The following SCHIP1 variants were observed in gnomAD, a reference collection of about 807,000 sequenced individuals.
SCHIP1 encodes the protein schwannomin interacting protein 1, also known as schwannomin-interacting protein 1.
Under a neutral mutation model 29.7 loss-of-function variants are expected in SCHIP1, and 8 were observed. The observed-to-expected ratio is 0.27, with a 90% CI of 0.16 to 0.49. SCHIP1 has a LOEUF of 0.49. SCHIP1 is among the 20% of genes least tolerant of loss of function. SCHIP1 has a pLI of 0.99. For missense variants in SCHIP1, 193 were observed against 294.6 expected (o/e 0.66, Z 2.52); for synonymous variants, 76 against 94.9 (o/e 0.80, Z 1.16).
the SCHIP1 span, among the ~76,000 whole-genome samples, chr3:159,469,029 G>A: frequency 6.6e-6 from 1 of 151,996 alleles, no homozygotes; most frequent in East Asian, 1.9e-4. Context: ...GCCTCCCAAA[G>A]TGCTGGGATT....
chr3:159,840,321 C>G lies in SCHIP1; in HGVS notation c.30+107C>G, dbSNP rs577377288. On this transcript the variant is annotated intron_variant, in intron 1 of 6. Coordinates refer to ENST00000445224, the Ensembl canonical transcript of SCHIP1. ...TCCGGATATTCAGGGATTTTGCCAT[C>G]TTCCGCGCCTGGCCTTCATCACGTG... is the stretch of plus-strand genomic sequence containing the variant. The G allele has an allele frequency of 1.7e-5, 16 of 958,506 alleles. No homozygotes were observed. The African/African-American group carries it at 1.8e-4, about 11-fold the overall frequency. The allele number at this position is 958,506 out of a possible 1,614,324, so 59.4% of individuals were successfully genotyped here.
At chr3:159,658,700 TC>T in the SCHIP1 span, among the ~76,000 whole-genome samples, 1 of 152,298 alleles carries the variant, frequency 6.6e-6, no homozygotes, top group African/African-American at 2.4e-5. Flanking sequence ...TAAATAGGTA[TC>T]TTTAGCCTGG....
chr3:159,755,528 G>A, the SCHIP1 span, among the ~76,000 whole-genome samples: 1 of 152,172 alleles, frequency 6.6e-6, no homozygotes. Context: ...GATGAGACTT[G>A]GGTGGGGACA....
At chr3:159,401,043 C>T in the SCHIP1 span, 1 of 236,002 alleles carries the variant, frequency 4.2e-6, no homozygotes, top group African/African-American at 2.3e-5. Flanking sequence ...TAACCCTGTA[C>T]CTGACACATA....
the SCHIP1 span, among the ~76,000 whole-genome samples, chr3:159,649,337 G>A: frequency 6.6e-6 from 1 of 152,066 alleles, no homozygotes; most frequent in Non-Finnish European, 1.5e-5. Context: ...AATTAGCTAG[G>A]AGATAAATGC....
the SCHIP1 span, among the ~76,000 whole-genome samples, chr3:159,425,997 G>A: frequency 1.3e-5 from 2 of 152,064 alleles, no homozygotes; most frequent in African/African-American, 4.8e-5. Context: ...AAACCAACAA[G>A]AACAAAGACA....
chr3:159,534,735 C>T, the SCHIP1 span, among the ~76,000 whole-genome samples: 1 of 152,132 alleles, frequency 6.6e-6, no homozygotes, highest in Admixed American at 6.5e-5. Flanking sequence ...GAGAGGGAAA[C>T]AGATTGGGAA....
the SCHIP1 span, among the ~76,000 whole-genome samples, chr3:159,378,735 CTGT>C: frequency 0.027 from 4,105 of 152,278 alleles, 74 homozygotes; most frequent in East Asian, 0.11. Context: ...TCACCATCAC[CTGT>C]TATTATCACG....
the SCHIP1 span, among the ~76,000 whole-genome samples, chr3:159,595,789 T>C: frequency 6.6e-6 from 1 of 152,198 alleles, no homozygotes. Flanking sequence ...TCATTTGTTG[T>C]TCACTAAACT....
upstream of SCHIP1, among the ~76,000 whole-genome samples, chr3:159,835,411 C>T (rs577318327): frequency 3.8e-4 from 58 of 152,226 alleles, no homozygotes; most frequent in African/African-American, 1.2e-3. Flanking sequence ...GGACTTTTTC[C>T]CACAAATACC....
the SCHIP1 span, among the ~76,000 whole-genome samples, chr3:159,412,540 G>T: frequency 6.6e-6 from 1 of 152,134 alleles, no homozygotes; most frequent in Admixed American, 6.6e-5. Flanking sequence ...CACCTGCAGG[G>T]TAACCATTGT....
the SCHIP1 span, among the ~76,000 whole-genome samples, chr3:159,667,068 G>A: frequency 6.6e-6 from 1 of 152,250 alleles, no homozygotes; most frequent in Non-Finnish European, 1.5e-5. Flanking sequence ...CACAGCATCT[G>A]TTCCACAGTA....
chr3:159,320,905 A>G, the SCHIP1 span, among the ~76,000 whole-genome samples: 3 of 151,378 alleles, frequency 2.0e-5, no homozygotes, highest in African/African-American at 4.9e-5. Context: ...GCAAATTGAG[A>G]TGCAATAAAT....
chr3:159,843,493 A>G (rs1427356283), intron 1 of SCHIP1, among the ~76,000 whole-genome samples: 1 of 152,064 alleles, frequency 6.6e-6, no homozygotes, highest in Non-Finnish European at 1.5e-5. Context: ...ATACAGATGG[A>G]TATGTCTACT....
intron 1 of SCHIP1, among the ~76,000 whole-genome samples, chr3:159,847,328 C>T (rs768208185): frequency 6.6e-6 from 1 of 152,160 alleles, no homozygotes; most frequent in Non-Finnish European, 1.5e-5. Flanking sequence ...AGAGCCCTAT[C>T]CCATTGAAGT....
chr3:159,345,529 T>G, the SCHIP1 span, among the ~76,000 whole-genome samples: 2 of 150,328 alleles, frequency 1.3e-5, no homozygotes, highest in Admixed American at 1.3e-4. Context: ...AGAAGCTCAG[T>G]TTTTTTTTAC....
the SCHIP1 span, among the ~76,000 whole-genome samples, chr3:159,398,041 A>G: frequency 6.6e-6 from 1 of 152,164 alleles, no homozygotes; most frequent in African/African-American, 2.4e-5. Context: ...GCTGTTTTTT[A>G]AGCCCATTGG....
At chr3:159,612,760 C>T in the SCHIP1 span, among the ~76,000 whole-genome samples, 1 of 152,150 alleles carries the variant, frequency 6.6e-6, no homozygotes, top group African/African-American at 2.4e-5. Flanking sequence ...CACTAAAAAT[C>T]CTTTACCAAA....
chr3:159,754,811 G>A, the SCHIP1 span, among the ~76,000 whole-genome samples: 4 of 152,316 alleles, frequency 2.6e-5, no homozygotes, highest in Non-Finnish European at 5.9e-5. Flanking sequence ...GCTAAGAGCT[G>A]GGGTCCAAGT....
Sources: gnomAD v4.1 joint callset for allele counts (sites outside exome capture counted in the v4.1 genomes callset) on GRCh38, gnomAD v4.1.1 for gene constraint, MANE v1.5 for transcripts, NCBI Gene and HGNC (gene_info 2026-07-23, HGNC 2026-07-21) for gene names.